FHIT: variants seen among roughly 807,000 people sequenced by gnomAD.
FHIT encodes the protein fragile histidine triad diadenosine triphosphatase.
A neutral mutation model predicts 17.9 loss-of-function variants in FHIT; 19 were observed. That is an observed-to-expected ratio of 1.06 (90% CI 0.74 to 1.56). The LOEUF is 1.56. Among genes scored for constraint, FHIT ranks in the 40% most tolerant of loss-of-function variants. The pLI, the probability that FHIT is intolerant of heterozygous loss-of-function variation, is 0.00. For missense variants in FHIT, 248 were observed against 189.2 expected, an observed-to-expected ratio of 1.31 and a Z score of -1.82; for synonymous variants, 81 against 69.7, an observed-to-expected ratio of 1.16 and a Z score of -0.81.
chr3:60,364,264 T>A (rs542224261), intron 5 of FHIT, among the ~76,000 whole-genome samples: 2 of 152,216 alleles, frequency 1.3e-5, no homozygotes, highest in African/African-American at 4.8e-5. Flanking sequence ...TGCTTTCAAG[T>A]GAAATGCTCT....
intron 5 of FHIT, among the ~76,000 whole-genome samples, chr3:60,107,291 T>C (rs1206096700): frequency 2.0e-5 from 3 of 151,412 alleles, no homozygotes; most frequent in South Asian, 4.2e-4. Flanking sequence ...CACATAAAAA[T>C]ACATTCTGAT....
chr3:60,604,765 T>G (rs905692641), intron 4 of FHIT, among the ~76,000 whole-genome samples: 1 of 152,204 alleles, frequency 6.6e-6, no homozygotes, highest in Non-Finnish European at 1.5e-5. Flanking sequence ...CCCTCTCACT[T>G]ACTATTGCCC....
chr3:59,924,082 A>T (rs563178295), intron 7 of FHIT, among the ~76,000 whole-genome samples: 1 of 152,286 alleles, frequency 6.6e-6, no homozygotes, highest in African/African-American at 2.4e-5. Context: ...CAAACTACCC[A>T]TGAAACCAAA....
chr3:60,295,417 G>C (rs1342586827), intron 5 of FHIT, among the ~76,000 whole-genome samples: 1 of 152,146 alleles, frequency 6.6e-6, no homozygotes, highest in African/African-American at 2.4e-5. Flanking sequence ...TGAAGGAGAA[G>C]GGGAGCCAGC....
intron 7 of FHIT, among the ~76,000 whole-genome samples, chr3:59,963,014 G>T (rs1707756242): frequency 6.6e-6 from 1 of 152,154 alleles, no homozygotes. Context: ...CCAGCACTTT[G>T]GGAGGCCAAA....
intron 2 of FHIT, among the ~76,000 whole-genome samples, chr3:61,110,219 T>C (rs1011758738): frequency 2.6e-5 from 4 of 152,184 alleles, no homozygotes; most frequent in African/African-American, 9.6e-5. Flanking sequence ...TGCTTTGTAC[T>C]CTTCCTTCCA....
At position 61,121,219 on chromosome 3, in the gene FHIT, A is replaced by G. The variant is rs143863141; in HGVS notation, c.-163-79120T>C. Among the ~76,000 whole-genome samples, 643 of 152,258 alleles carry G rather than the reference A, an allele frequency of 4.2e-3. 5 individuals carry two copies. Among genetic ancestry groups the G allele is most frequent in the African/African-American group, 0.014 (584 of 41,564 alleles). ...CCTCAACCTAGCAAGGCAGGTCAAC[A>G]TTCAAATTCAGGAAATACAGAGAAC... On this transcript the variant is annotated intron_variant, in intron 2 of 9. Transcript: ENST00000492590.
chr3:60,103,802 T>C (rs1704292411), intron 5 of FHIT, among the ~76,000 whole-genome samples: 1 of 152,210 alleles, frequency 6.6e-6, no homozygotes, highest in East Asian at 1.9e-4. Context: ...TGGCATGTCC[T>C]TCACTGCTTC....
intron 4 of FHIT, among the ~76,000 whole-genome samples, chr3:60,809,241 C>A (rs1701495420): frequency 6.6e-6 from 1 of 152,120 alleles, no homozygotes; most frequent in Non-Finnish European, 1.5e-5. Context: ...TCTGCATACA[C>A]TGAAATCAAA....
intron 8 of FHIT, among the ~76,000 whole-genome samples, chr3:59,787,126 A>G (rs1006416595): frequency 1.3e-5 from 2 of 152,198 alleles, no homozygotes; most frequent in African/African-American, 2.4e-5. Context: ...ATAACATGCT[A>G]TATCATAAAT....
intron 9 of FHIT, chr3:59,749,913 T>A (rs1272882834): frequency 8.9e-6 from 2 of 225,510 alleles, no homozygotes; most frequent in Non-Finnish European, 1.8e-5. Flanking sequence ...CCTCACAACC[T>A]ATATTATCCG....
At chr3:60,291,673 T>C (rs1707991655) in intron 5 of FHIT, among the ~76,000 whole-genome samples, 1 of 152,180 alleles carries the variant, frequency 6.6e-6, no homozygotes. Context: ...TCTTTTACCC[T>C]TACTATCTGC....
intron 8 of FHIT, among the ~76,000 whole-genome samples, chr3:59,833,612 C>A (rs1701239968): frequency 1.3e-5 from 2 of 152,078 alleles, no homozygotes; most frequent in African/African-American, 4.8e-5. Context: ...GTTATGGTGG[C>A]CCTAGGAAAC....
At chr3:59,758,465 C>T (rs1701331822) in intron 8 of FHIT, among the ~76,000 whole-genome samples, 1 of 152,142 alleles carries the variant, frequency 6.6e-6, no homozygotes, top group Non-Finnish European at 1.5e-5. Context: ...GGTCTCCGGC[C>T]CTACAAATGC....
chr3:60,471,112 C>T (rs13318262), intron 5 of FHIT, among the ~76,000 whole-genome samples: 10,073 of 152,194 alleles, frequency 0.066, 1,094 homozygotes, highest in African/African-American at 0.23. Flanking sequence ...ATCCTCTTTA[C>T]TCTCTCCTCT....
chr3:60,908,633 G>A (rs1262441366), intron 3 of FHIT, among the ~76,000 whole-genome samples: 5 of 148,536 alleles, frequency 3.4e-5, no homozygotes, highest in Admixed American at 1.4e-4. Flanking sequence ...AAAAGAAAGC[G>A]AGAAATGGAA....
intron 8 of FHIT, among the ~76,000 whole-genome samples, chr3:59,797,757 A>G (rs913614497): frequency 1.3e-5 from 2 of 152,212 alleles, no homozygotes; most frequent in African/African-American, 4.8e-5. Context: ...TGTCACCTTC[A>G]TGGGGGAAAA....
At position 61,040,146 on chromosome 3, in the gene FHIT, T is replaced by G. The variant is rs189428282; in HGVS notation, c.-111+1901A>C. Among the ~76,000 whole-genome samples the G allele has an allele frequency of 2.7e-4, 41 of 152,346 alleles. 1 individual carries two copies. The highest frequency in any genetic ancestry group is 8.5e-4 in the Admixed American group (13 of 15,300). On this transcript the variant is annotated intron_variant, in intron 3 of 9. Transcript: ENST00000492590. ...CTTTAAATGTCCAAATTAAGCTTCTTTGGAATAAAACCTTCTCAAAAGAAA... is the reference window on the plus strand; with the variant it reads ...CTTTAAATGTCCAAATTAAGCTTCTGTGGAATAAAACCTTCTCAAAAGAAA...
chr3:59,987,455 C>T (rs1006839805), intron 7 of FHIT, among the ~76,000 whole-genome samples: 1 of 151,988 alleles, frequency 6.6e-6, no homozygotes, highest in Non-Finnish European at 1.5e-5. Flanking sequence ...ATCACATTCA[C>T]AATCTTGTCA....
Sources: allele counts gnomAD v4.1 joint callset (sites outside exome capture counted in the v4.1 genomes callset), GRCh38; gene constraint gnomAD v4.1.1; transcripts MANE v1.5; gene names NCBI Gene and HGNC (gene_info 2026-07-23, HGNC 2026-07-21).